The following TMCC1 variants were observed in gnomAD, a reference collection of about 807,000 sequenced individuals.
TMCC1 encodes transmembrane and coiled-coil domain family 1, also known as transmembrane and coiled-coil domains protein 1.
Under a neutral mutation model 52.4 loss-of-function variants are expected in TMCC1, and 15 were observed. The observed-to-expected ratio is 0.29, with a 90% CI of 0.19 to 0.44. The LOEUF (loss-of-function observed/expected upper bound fraction) is 0.44. Among genes scored for constraint, TMCC1 ranks in the 20% least tolerant of loss-of-function variants. TMCC1 has a pLI of 1.00. For missense variants in TMCC1, 503 were observed against 806.0 expected (o/e 0.62, Z 4.55); for synonymous variants, 279 against 301.9 (o/e 0.92, Z 0.79).
chr3:129,826,077 C>T (rs1200567410), intron 4 of TMCC1, among the ~76,000 whole-genome samples: 1 of 152,156 alleles, frequency 6.6e-6, no homozygotes, highest in Non-Finnish European at 1.5e-5. Flanking sequence ...ATCCCAGAAT[C>T]ACTAGCTGTA....
Position 129,701,198 on chromosome 3 carries a change from C to T in TMCC1, c.577-29934G>A, listed in dbSNP as rs142123116. On this transcript the variant is annotated intron_variant, in intron 4 of 6. Transcript: ENST00000393238. ...AAAGATGGGAAAATAAAAGTTGAGT[C>T]AAGGAAAAAAGATAAATCTAATAAT... Among the ~76,000 whole-genome samples the T allele has an allele frequency of 5.3e-3, 810 of 152,150 alleles. 2 individuals carry two copies. Among genetic ancestry groups the T allele is most frequent in the South Asian group, 0.011 (55 of 4,824 alleles).
chr3:129,747,930 G>C (rs1213300551), intron 4 of TMCC1, among the ~76,000 whole-genome samples: 1 of 152,058 alleles, frequency 6.6e-6, no homozygotes, highest in African/African-American at 2.4e-5. Context: ...CCTGTAAACT[G>C]AATACAATCC....
intron 4 of TMCC1, among the ~76,000 whole-genome samples, chr3:129,674,148 C>A (rs1018937065): frequency 6.6e-6 from 1 of 152,184 alleles, no homozygotes; most frequent in Non-Finnish European, 1.5e-5. Flanking sequence ...ACAAAACTCC[C>A]TAAATGCATT....
chr3:129,883,342 T>A (rs539177369), intron 1 of TMCC1, among the ~76,000 whole-genome samples: 3 of 130,226 alleles, frequency 2.3e-5, no homozygotes, highest in Non-Finnish European at 3.3e-5. Context: ...GCCGGGTGTG[T>A]TGACTCATGC....
intron 4 of TMCC1, among the ~76,000 whole-genome samples, chr3:129,806,315 G>C (rs1236952770): frequency 1.3e-5 from 2 of 152,162 alleles, no homozygotes; most frequent in Non-Finnish European, 2.9e-5. Flanking sequence ...AATTATGAAA[G>C]ATGAAAAACA....
chr3:129,704,094 A>AT (rs1276987573), intron 4 of TMCC1, among the ~76,000 whole-genome samples: 2 of 152,266 alleles, frequency 1.3e-5, no homozygotes, highest in Non-Finnish European at 2.9e-5. Context: ...GAGATGGAGA[A>AT]GAATGAATGA....
At chr3:129,772,722 C>T (rs1365241637) in intron 4 of TMCC1, among the ~76,000 whole-genome samples, 1 of 76,192 alleles carries the variant, frequency 1.3e-5, no homozygotes, top group East Asian at 4.0e-4. Context: ...GACTCCGCCT[C>T]AAAAAAAAAA....
intron 4 of TMCC1, among the ~76,000 whole-genome samples, chr3:129,740,572 A>T (rs1489667443): frequency 6.6e-6 from 1 of 152,202 alleles, no homozygotes. Flanking sequence ...GTATGCAAAA[A>T]GCTGAGATCA....
intron 4 of TMCC1, among the ~76,000 whole-genome samples, chr3:129,784,281 CA>C (rs1355692582): frequency 6.7e-6 from 1 of 150,002 alleles, no homozygotes; most frequent in Non-Finnish European, 1.5e-5. Flanking sequence ...AAGTTACAGG[CA>C]AAAAAAAAGT....
intron 4 of TMCC1, among the ~76,000 whole-genome samples, chr3:129,701,397 G>C (rs2047822470): frequency 6.6e-6 from 1 of 152,158 alleles, no homozygotes; most frequent in African/African-American, 2.4e-5. Context: ...CTCCTGCTGG[G>C]ATTCAGTAAG....
chr3:129,849,813 T>TAC (rs747333548), intron 2 of TMCC1, among the ~76,000 whole-genome samples: 2 of 144,636 alleles, frequency 1.4e-5, no homozygotes, highest in Non-Finnish European at 3.0e-5. Flanking sequence ...CACACACACA[T>TAC]ACATATATAC....
intron 2 of TMCC1, among the ~76,000 whole-genome samples, chr3:129,879,307 T>G (rs2061359448): frequency 6.6e-6 from 1 of 152,030 alleles, no homozygotes; most frequent in African/African-American, 2.4e-5. Context: ...CTGATCACAG[T>G]GGCATATGCC....
At chr3:129,758,067 T>C (rs1215604171) in intron 4 of TMCC1, among the ~76,000 whole-genome samples, 3 of 152,192 alleles carry the variant, frequency 2.0e-5, no homozygotes, top group Non-Finnish European at 4.4e-5. Context: ...AATAGTGTTT[T>C]GGCTGGAAAC....
At chr3:129,795,545 CCT>C (rs1199934542) in intron 4 of TMCC1, among the ~76,000 whole-genome samples, 2 of 152,146 alleles carry the variant, frequency 1.3e-5, no homozygotes, top group Non-Finnish European at 2.9e-5. Context: ...TTGGAATGAA[CCT>C]ACTATGTGCA....
intron 4 of TMCC1, among the ~76,000 whole-genome samples, chr3:129,684,862 G>A (rs2089289074): frequency 6.6e-6 from 1 of 152,156 alleles, no homozygotes; most frequent in African/African-American, 2.4e-5. Flanking sequence ...ATGGATACAG[G>A]TTGTGAAAAA....
At chr3:129,707,305 A>G (rs1306047981) in intron 4 of TMCC1, among the ~76,000 whole-genome samples, 1 of 152,238 alleles carries the variant, frequency 6.6e-6, no homozygotes, top group African/African-American at 2.4e-5. Flanking sequence ...AAGTGGAGAT[A>G]TATTTAAAAA....
chr3:129,789,338 T>G (rs945212874), intron 4 of TMCC1, among the ~76,000 whole-genome samples: 1 of 152,188 alleles, frequency 6.6e-6, no homozygotes, highest in Non-Finnish European at 1.5e-5. Context: ...CTCTATTTAC[T>G]TTTAAAAAGA....
intron 2 of TMCC1, among the ~76,000 whole-genome samples, chr3:129,865,316 ATT>A (rs113450240): frequency 2.1e-5 from 3 of 139,934 alleles, no homozygotes; most frequent in Admixed American, 7.2e-5. Flanking sequence ...ACACCACATC[ATT>A]TTTTTTTTTT....
At chr3:129,711,932 G>T (rs909953119) in intron 4 of TMCC1, among the ~76,000 whole-genome samples, 10 of 143,376 alleles carry the variant, frequency 7.0e-5, no homozygotes, top group Non-Finnish European at 1.3e-4. Flanking sequence ...AATCCAGGAG[G>T]CAGAGGTTGT....
Sources: gnomAD v4.1 joint callset for allele counts (sites outside exome capture counted in the v4.1 genomes callset) on GRCh38, gnomAD v4.1.1 for gene constraint, MANE v1.5 for transcripts, NCBI Gene and HGNC (gene_info 2026-07-23, HGNC 2026-07-21) for gene names.